The following SAMD4A variants were observed in gnomAD, a reference collection of about 807,000 sequenced individuals.
SAMD4A encodes sterile alpha motif domain containing 4A.
A neutral mutation model predicts 81.3 loss-of-function variants in SAMD4A; 33 were observed. The ratio of observed to expected loss-of-function variants is 0.41; its 90% CI spans 0.31 to 0.54. The LOEUF is 0.54. Among genes scored for constraint, SAMD4A ranks in the 20% least tolerant of loss-of-function variants. The pLI is 0.37. For missense variants in SAMD4A, 854 were observed against 951.1 expected, an observed-to-expected ratio of 0.90 and a Z score of 1.34; for synonymous variants, 389 against 382.1, an observed-to-expected ratio of 1.02 and a Z score of -0.21.
At chr14:54,639,042 G>A (rs1489734802) in intron 2 of SAMD4A, among the ~76,000 whole-genome samples, 1 of 152,138 alleles carries the variant, frequency 6.6e-6, no homozygotes, top group East Asian at 1.9e-4. Flanking sequence ...GAGCAAGGTT[G>A]GCATGCTAGA....
intron 2 of SAMD4A, among the ~76,000 whole-genome samples, chr14:54,634,867 A>G (rs911317773): frequency 6.6e-6 from 1 of 152,220 alleles, no homozygotes; most frequent in Non-Finnish European, 1.5e-5. Flanking sequence ...ACATAGTAAT[A>G]AACTTAGCAG....
chr14:54,599,753 A>T (rs2034006605), intron 2 of SAMD4A, among the ~76,000 whole-genome samples: 1 of 152,234 alleles, frequency 6.6e-6, no homozygotes, highest in Non-Finnish European at 1.5e-5. Flanking sequence ...TGTTACACGG[A>T]TAAGCTGATA....
At chr14:54,761,642 G>C (rs2038401451) in intron 7 of SAMD4A, among the ~76,000 whole-genome samples, 1 of 152,220 alleles carries the variant, frequency 6.6e-6, no homozygotes, top group South Asian at 2.1e-4. Context: ...ACACAGCACT[G>C]CTAGCACTCA....
At chr14:54,752,133 A>T (rs1469049434) in intron 6 of SAMD4A, among the ~76,000 whole-genome samples, 2 of 152,226 alleles carry the variant, frequency 1.3e-5, no homozygotes, top group Non-Finnish European at 2.9e-5. Flanking sequence ...AAAATGCTAA[A>T]TGCTGAAAAA....
At chr14:54,720,566 C>T (rs746489262) in intron 3 of SAMD4A, among the ~76,000 whole-genome samples, 2 of 152,114 alleles carry the variant, frequency 1.3e-5, no homozygotes, top group Non-Finnish European at 2.9e-5. Flanking sequence ...TTACCAGCCT[C>T]CTCCTGAGGG....
chr14:54,777,713 G>C (rs141366396), intron 11 of SAMD4A, among the ~76,000 whole-genome samples: 43 of 152,168 alleles, frequency 2.8e-4, no homozygotes, highest in Non-Finnish European at 5.6e-4. Flanking sequence ...GGGAGGAGGA[G>C]GACGCTGGAG....
intron 6 of SAMD4A, among the ~76,000 whole-genome samples, 169 bp downstream of exon 6, chr14:54,751,706 G>A (rs80232236): frequency 0.017 from 2,535 of 152,316 alleles, 66 homozygotes; most frequent in African/African-American, 0.057. Context: ...CTGGTTGCAC[G>A]TGCTTCTTTG....
intron 2 of SAMD4A, among the ~76,000 whole-genome samples, chr14:54,622,320 A>C (rs910219978): frequency 8.5e-5 from 13 of 152,216 alleles, no homozygotes; most frequent in Admixed American, 8.5e-4. Context: ...CTCTTCTCAG[A>C]TAACCAGGCA....
chr14:54,719,287 C>T (rs7150245), intron 3 of SAMD4A, among the ~76,000 whole-genome samples: 44,630 of 151,974 alleles, frequency 0.29, 6,782 homozygotes, highest in South Asian at 0.35. Context: ...GGGTCCATGA[C>T]GGTCATGAGG....
intron 11 of SAMD4A, among the ~76,000 whole-genome samples, chr14:54,782,249 C>A (rs762668114): frequency 6.6e-5 from 10 of 152,186 alleles, no homozygotes; most frequent in Non-Finnish European, 1.2e-4. Flanking sequence ...CCAAATCTCT[C>A]CACAGTGTTT....
chr14:54,673,286 G>T (rs967066679), intron 2 of SAMD4A, among the ~76,000 whole-genome samples: 3 of 152,172 alleles, frequency 2.0e-5, no homozygotes, highest in Non-Finnish European at 2.9e-5. Flanking sequence ...GCTCTTTCAC[G>T]CTCAGGCCTA....
At chr14:54,612,813 C>T (rs1332224781) in intron 2 of SAMD4A, among the ~76,000 whole-genome samples, 5 of 152,106 alleles carry the variant, frequency 3.3e-5, no homozygotes, top group Admixed American at 2.6e-4. Flanking sequence ...GAAAGAGCTG[C>T]ATTCCTCAGA....
intron 3 of SAMD4A, among the ~76,000 whole-genome samples, chr14:54,725,720 G>A (rs2037397370): frequency 6.6e-6 from 1 of 152,162 alleles, no homozygotes; most frequent in African/African-American, 2.4e-5. Context: ...ACATTTTAAT[G>A]TGCATTAAAT....
intron 2 of SAMD4A, among the ~76,000 whole-genome samples, chr14:54,684,612 GC>G (rs780497625): frequency 0.057 from 4,688 of 81,760 alleles, 84 homozygotes; most frequent in Non-Finnish European, 0.075. Flanking sequence ...AGACACCCCC[GC>G]CCCCCCCCCC....
chr14:54,636,653 G>T (rs1356022620), intron 2 of SAMD4A, among the ~76,000 whole-genome samples: 2 of 152,098 alleles, frequency 1.3e-5, no homozygotes, highest in African/African-American at 4.8e-5. Flanking sequence ...AATATATTTT[G>T]GGTACATCTT....
At chr14:54,613,508 T>G (rs1487167255) in intron 2 of SAMD4A, among the ~76,000 whole-genome samples, 3 of 152,200 alleles carry the variant, frequency 2.0e-5, no homozygotes, top group Non-Finnish European at 4.4e-5. Context: ...AAAAGTTACC[T>G]TCTCTGAGAT....
chr14:54,667,261 A>G (rs996432976), intron 2 of SAMD4A, among the ~76,000 whole-genome samples: 1 of 152,108 alleles, frequency 6.6e-6, no homozygotes, highest in Non-Finnish European at 1.5e-5. Flanking sequence ...GCTGTTACCA[A>G]CTCTGCAAGT....
chr14:54,597,264 CTTTTTCTTTTCT>C (rs1364195322), intron 2 of SAMD4A, among the ~76,000 whole-genome samples: 1 of 151,708 alleles, frequency 6.6e-6, no homozygotes, highest in Non-Finnish European at 1.5e-5. Flanking sequence ...TGGTCTTTTT[CTTTTTCTTTTCT>C]TTTTTCTTTT....
In SAMD4A at chr14:54,792,895, A is replaced by T. The variant is rs1340937662; in HGVS notation, c.*3951A>T. The T allele has an allele frequency of 6.6e-6, 1 of 152,182 alleles. No individual in the cohort carries two copies. 9.4% of individuals were successfully genotyped at this position (152,182 alleles called of 1,614,324 possible). A position where few individuals can be genotyped will look rare whatever the true frequency, so the allele number is the denominator to read the frequency against. ...ATATAATCCTCATGTATTTATGCCT[A>T]ATGTAAGCTGACTTTTAAAAAGCTT... On this transcript the variant is annotated 3_prime_UTR_variant, in exon 13 of 13. Transcript: ENST00000554335.
Sources: gnomAD v4.1 joint callset for allele counts (sites outside exome capture counted in the v4.1 genomes callset) on GRCh38, gnomAD v4.1.1 for gene constraint, MANE v1.5 for transcripts, NCBI Gene and HGNC (gene_info 2026-07-23, HGNC 2026-07-21) for gene names.